SLA2: variants seen among roughly 807,000 people sequenced by gnomAD.
SLA2 encodes the protein src-like-adapter 2.
SLA2 carries 22 observed loss-of-function variants against 27.3 expected under a neutral mutation model. The ratio of observed to expected loss-of-function variants is 0.81; its 90% CI spans 0.58 to 1.15. SLA2 has a LOEUF of 1.15. Among genes scored for constraint, SLA2 ranks in the 50% most tolerant of loss-of-function variants. The probability of loss-of-function intolerance (pLI) is 0.00; values close to 1 mark genes in which losing one functional copy is unlikely to be tolerated. For missense variants in SLA2, 304 were observed against 322.2 expected (o/e 0.94, Z 0.43); for synonymous variants, 131 against 137.8 (o/e 0.95, Z 0.34).
chr20:36,624,444 A>G (rs1568604043), intron 5 of SLA2, among the ~76,000 whole-genome samples: 2 of 152,090 alleles, frequency 1.3e-5, no homozygotes, highest in South Asian at 4.2e-4. Context: ...CTTGGCACTT[A>G]TCACTCTCAC....
intron 2 of SLA2, among the ~76,000 whole-genome samples, chr20:36,634,969 A>T (rs572059053): frequency 6.6e-6 from 1 of 152,220 alleles, no homozygotes; most frequent in Admixed American, 6.5e-5. Context: ...CTGGGACTAC[A>T]GGTGTGCACC....
At chr20:36,616,337 T>C (rs2039210787) in intron 5 of SLA2, among the ~76,000 whole-genome samples, 1 of 149,358 alleles carries the variant, frequency 6.7e-6, no homozygotes, top group South Asian at 2.1e-4. Flanking sequence ...ATTTTCTTTT[T>C]TTTTTTTTTT....
Position 36,646,155 on chromosome 20 carries a change from CAG to C in SLA2, c.-364_-363del, listed in dbSNP as rs1386258771. ...GCCCAGGGCCCTTTGAGCTCTGTCACAGAGACACAGGCGTGGGGTCCTTGGAG... is the reference window on the plus strand; with the variant it reads ...GCCCAGGGCCCTTTGAGCTCTGTCACAGACACAGGCGTGGGGTCCTTGGAG... On this transcript the variant is annotated 5_prime_UTR_variant, in exon 1 of 8. Transcript: ENST00000262866. 9 of 152,292 alleles carry C rather than the reference CAG, an allele frequency of 5.9e-5. No homozygotes were observed. The highest frequency in any genetic ancestry group is 5.9e-4 in the Admixed American group (9 of 15,286). The allele number at this position is 152,292 out of a possible 1,614,324, so 9.4% of individuals were successfully genotyped here.
At position 36,614,415 on chromosome 20, in the gene SLA2, G is replaced by A. The variant is rs2039182251; in HGVS notation, c.555C>T (p.Cys185=). 1.9e-6 allele frequency: 3 copies of A among 1,611,034 alleles called. No individual in the cohort carries two copies. The African/African-American group carries it at 4.0e-5, about 22-fold the overall frequency. ...HYSELADDIC[C]LLKEPCVLQR... is the part of the protein sequence containing the mutation. ...GCAGGACACAGGGCTCCTTGAGTAGGCAGCAGATGTCATCCGCCAGCTCTG... is the reference window on the plus strand; with the variant it reads ...GCAGGACACAGGGCTCCTTGAGTAGACAGCAGATGTCATCCGCCAGCTCTG... The change falls in exon 7 of 8, where the codon TGC becomes TGT. Residue 185 remains cysteine (C), a synonymous_variant. Coordinates refer to ENST00000262866, the MANE Select transcript of SLA2 (RefSeq NM_032214.4).
chr20:36,644,214 G>A (rs1050082565), intron 1 of SLA2, among the ~76,000 whole-genome samples: 3 of 151,902 alleles, frequency 2.0e-5, no homozygotes, highest in African/African-American at 7.3e-5. Flanking sequence ...TGAACTCCTG[G>A]GCTTAAGCGA....
At chr20:36,614,806 T>A in intron 6 of SLA2, 1 of 985,408 alleles carries the variant, frequency 1.0e-6, no homozygotes, top group Non-Finnish European at 1.2e-6. Context: ...AGAGTGCTCT[T>A]CCCTCTCTGC....
At chr20:36,628,454 C>G (rs1231248056) in intron 5 of SLA2, among the ~76,000 whole-genome samples, 1 of 152,190 alleles carries the variant, frequency 6.6e-6, no homozygotes, top group Admixed American at 6.5e-5. Flanking sequence ...ATCAGAATCA[C>G]CTGGGCAGCT....
At chr20:36,626,553 T>C (rs2039340364) in intron 5 of SLA2, among the ~76,000 whole-genome samples, 1 of 135,852 alleles carries the variant, frequency 7.4e-6, no homozygotes, top group Admixed American at 7.5e-5. Flanking sequence ...GACCCTGTCT[T>C]AAAAAAAAAA....
chr20:36,634,899 A>G (rs942212728), intron 2 of SLA2, among the ~76,000 whole-genome samples: 1 of 151,814 alleles, frequency 6.6e-6, no homozygotes, highest in Non-Finnish European at 1.5e-5. Flanking sequence ...TCTAAAAATT[A>G]GGCTCAATGC....
chr20:36,621,409 A>C (rs2039280805), intron 5 of SLA2: 1 of 558,288 alleles, frequency 1.8e-6, no homozygotes, highest in Non-Finnish European at 3.4e-6. Flanking sequence ...TAGATATAGT[A>C]GCAGAAGGTT....
intron 3 of SLA2, 46 bp downstream of exon 3, chr20:36,634,444 T>C: frequency 7.2e-7 from 1 of 1,397,636 alleles, no homozygotes; most frequent in Non-Finnish European, 1.0e-6. Context: ...CCACCATGCC[T>C]GGCTCTATTA....
At chr20:36,623,266 C>CAAAAA (rs776399343) in intron 5 of SLA2, among the ~76,000 whole-genome samples, 4 of 52,044 alleles carry the variant, frequency 7.7e-5, no homozygotes, top group Admixed American at 2.0e-4. Flanking sequence ...CATTACATCT[C>CAAAAA]AAAAAAAAAA....
rs11643 is a variant in SLA2 at position 36,612,500 on chromosome 20, G to C, written c.*1366C>G. On this transcript the variant is annotated 3_prime_UTR_variant, in exon 8 of 8. Coordinates refer to ENST00000262866, the MANE Select transcript of SLA2 (RefSeq NM_032214.4). ...GCACAGTACATGCAGCATCTAATAA[G>C]AGTTTCCATTGTAGAATGTTTTCAC... 0.01 allele frequency: 4,927 copies of C among 473,032 alleles called. 214 individuals carry two copies. The highest frequency in any genetic ancestry group is 0.087 in the African/African-American group (4,482 of 51,608). The allele number at this position is 473,032 out of a possible 1,614,324, so 29.3% of individuals were successfully genotyped here.
rs575980977 is a variant in SLA2, at chr20:36,637,329, A to G, written c.92-2740T>C. Among the ~76,000 whole-genome samples the G allele has an allele frequency of 1.6e-4, 24 of 148,684 alleles. No individual in the cohort carries two copies. The South Asian group carries it at 4.4e-3, about 27-fold the overall frequency. ...GTGATTCTCCTGCCTCAGCCTCCTG[A>G]GTAGCTGGGATTACAGGCACCCACC... On this transcript the variant is annotated intron_variant, in intron 2 of 7. Coordinates refer to ENST00000262866, the MANE Select transcript of SLA2 (RefSeq NM_032214.4).
intron 5 of SLA2, among the ~76,000 whole-genome samples, chr20:36,630,886 C>G (rs1008784324): frequency 6.6e-6 from 1 of 152,180 alleles, no homozygotes; most frequent in Admixed American, 6.5e-5. Flanking sequence ...GTTCCTACTC[C>G]TCTTTGGTCC....
chr20:36,627,114 G>A (rs149856673), intron 5 of SLA2, among the ~76,000 whole-genome samples: 24 of 152,288 alleles, frequency 1.6e-4, no homozygotes, highest in Non-Finnish European at 3.2e-4. Context: ...GTATGTGTAA[G>A]GATGCAGCGG....
intron 5 of SLA2, among the ~76,000 whole-genome samples, chr20:36,627,622 G>A (rs2039352703): frequency 6.6e-6 from 1 of 152,218 alleles, no homozygotes; most frequent in African/African-American, 2.4e-5. Flanking sequence ...ATATACAGCA[G>A]GACAGCGCAG....
chr20:36,621,718 G>A (rs766411029), intron 5 of SLA2, among the ~76,000 whole-genome samples: 26 of 151,794 alleles, frequency 1.7e-4, no homozygotes, highest in Non-Finnish European at 3.7e-4. Flanking sequence ...TTAAAAATAA[G>A]AACTAAACAT....
chr20:36,631,746 C>T (rs922975452), intron 5 of SLA2, among the ~76,000 whole-genome samples: 17 of 152,230 alleles, frequency 1.1e-4, no homozygotes, highest in African/African-American at 3.9e-4. Context: ...ATGGCCACCT[C>T]ACTCAGCAGA....
Sources: allele counts gnomAD v4.1 joint callset (sites outside exome capture counted in the v4.1 genomes callset), GRCh38; gene constraint gnomAD v4.1.1; transcripts MANE v1.5; gene names NCBI Gene and HGNC (gene_info 2026-07-23, HGNC 2026-07-21).